The following CPAMD8 variants were observed in gnomAD, a reference collection of about 807,000 sequenced individuals.
The protein encoded by CPAMD8 is C3 and PZP like alpha-2-macroglobulin domain containing 8, also known as C3 and PZP-like alpha-2-macroglobulin domain-containing protein 8.
CPAMD8 carries 146 observed loss-of-function variants against 224.7 expected under a neutral mutation model. The ratio of observed to expected loss-of-function variants is 0.65; its 90% CI spans 0.57 to 0.75. CPAMD8 has a LOEUF of 0.75. CPAMD8 is among the 30% of genes least tolerant of loss of function. CPAMD8 has a pLI of 0.00. For synonymous variants in CPAMD8, 966 were observed against 1,044.6 expected (o/e 0.92, Z 1.45); for missense variants, 2,301 against 2,537.5 (o/e 0.91, Z 2.00).
chr19:16,909,888 G>A (rs2052659909), intron 29 of CPAMD8, among the ~76,000 whole-genome samples: 1 of 152,110 alleles, frequency 6.6e-6, no homozygotes, highest in Admixed American at 6.5e-5. Flanking sequence ...ATCTCATACT[G>A]TCACCCAGGC....
chr19:16,907,307 C>CTTTTTT (rs71334641), intron 29 of CPAMD8, among the ~76,000 whole-genome samples, 190 bp from the exon 30 acceptor site: 11 of 81,060 alleles, frequency 1.4e-4, no homozygotes, highest in Non-Finnish European at 1.8e-4. Context: ...TCTTTCTTGC[C>CTTTTTT]TTTTTTTTTT....
intron 22 of CPAMD8, among the ~76,000 whole-genome samples, chr19:16,945,082 G>A (rs114780114): frequency 1.3e-3 from 198 of 152,260 alleles, no homozygotes; most frequent in African/African-American, 4.5e-3. Flanking sequence ...GATGCTTCCC[G>A]AGATCATGGG....
chr19:16,900,727 A>G (rs920812541), intron 36 of CPAMD8, among the ~76,000 whole-genome samples: 5 of 151,508 alleles, frequency 3.3e-5, no homozygotes, highest in Non-Finnish European at 5.9e-5. Flanking sequence ...GGAGGAAAAA[A>G]GGGGCTGGGC....
chr19:16,920,222 GT>G, intron 27 of CPAMD8, among the ~76,000 whole-genome samples: 1 of 152,348 alleles, frequency 6.6e-6, no homozygotes, highest in East Asian at 1.9e-4. Context: ...GCTCACGCCT[GT>G]AATCCCAGCA....
chr19:16,999,243 T>C (rs926307219), intron 10 of CPAMD8, among the ~76,000 whole-genome samples: 4 of 152,068 alleles, frequency 2.6e-5, no homozygotes, highest in African/African-American at 4.8e-5. Context: ...AATTCTAAAA[T>C]TGGATAACAG....
chr19:17,011,603 G>C lies in CPAMD8; in HGVS notation c.422C>G (p.Pro141Arg). The C allele has an allele frequency of 1.2e-5, 19 of 1,614,182 alleles. No homozygotes were observed. The highest frequency in any genetic ancestry group is 1.6e-5 in the Non-Finnish European group (19 of 1,180,036). Residue 141 changes from proline (P) to arginine (R), a missense_variant, in exon 4 of 42, where the codon CCC becomes CGC. Pro to Arg is a moderately radical substitution (Grantham distance 103). Transcript: ENST00000443236. Reference sequence around the variant, plus strand: ...TGCTGGCCACTCACCTCGGTGCTGGGGTCTGTACACAGGCTTGTCCGTCTG... The same window carrying C: ...TGCTGGCCACTCACCTCGGTGCTGGCGTCTGTACACAGGCTTGTCCGTCTG... ...FIQTDKPVYRPQHRVLISIFT... is the reference protein window; with the variant it reads ...FIQTDKPVYRRQHRVLISIFT...
At chr19:17,017,668 T>C (rs1485018742) in intron 3 of CPAMD8, among the ~76,000 whole-genome samples, 2 of 152,142 alleles carry the variant, frequency 1.3e-5, no homozygotes, top group East Asian at 3.9e-4. Context: ...CTTTACGAAA[T>C]GTGCCCTGTA....
chr19:16,903,417 A>T, intron 34 of CPAMD8, 144 bp downstream of exon 34: 1 of 1,221,638 alleles, frequency 8.2e-7, no homozygotes, highest in Non-Finnish European at 1.1e-6. Flanking sequence ...GGGCAGTATT[A>T]GAAGGCTGAA....
chr19:16,906,382 CTTTCT>C (rs2052500498), intron 30 of CPAMD8, among the ~76,000 whole-genome samples: 17 of 70,572 alleles, frequency 2.4e-4, no homozygotes, highest in Admixed American at 3.8e-4. Context: ...TTCTTTCTTT[CTTTCT>C]TTCTTTCTTT....
intron 21 of CPAMD8, among the ~76,000 whole-genome samples, chr19:16,946,517 G>T (rs201429242): frequency 1.3e-4 from 6 of 45,082 alleles, no homozygotes; most frequent in Non-Finnish European, 2.6e-4. Context: ...GTGTGGATTT[G>T]TGTGTGTGTG....
chr19:16,904,583 A>G, intron 30 of CPAMD8, 31 bp from the exon 31 acceptor site: 1 of 1,470,764 alleles, frequency 6.8e-7, no homozygotes, highest in Non-Finnish European at 9.5e-7. Flanking sequence ...AAGAGCTATA[A>G]CCCACCCAGT....
chr19:16,970,253 AAAAG>A (rs1568543023), intron 18 of CPAMD8, among the ~76,000 whole-genome samples: 1 of 150,214 alleles, frequency 6.7e-6, no homozygotes, highest in Admixed American at 6.7e-5. Context: ...AAAAAAAAAA[AAAAG>A]AAAGAAAGAG....
chr19:17,015,425 T>G (rs550498047), intron 3 of CPAMD8, among the ~76,000 whole-genome samples: 2 of 152,090 alleles, frequency 1.3e-5, no homozygotes, highest in Non-Finnish European at 2.9e-5. Context: ...TGCACTGTCA[T>G]GACCATTGTG....
Position 16,952,162 on chromosome 19 carries a change from G to A in CPAMD8, c.2315C>T (p.Pro772Leu), listed in dbSNP as rs1373880209. The change falls in exon 20 of 42, where the codon CCG becomes CTG. Residue 772 changes from proline (P) to leucine (L), a missense_variant. Physicochemically the swap from Pro to Leu is moderately conservative, Grantham distance 98 (BLOSUM62 -3). Around this residue, in one of 4 missense-constraint regions of CPAMD8, gnomAD observed 1,709 missense variants for 1,753.2 expected, o/e 0.97. Coordinates refer to ENST00000443236, the MANE Select transcript of CPAMD8 (RefSeq NM_015692.5). The part of the protein sequence containing the change: ...SGEGTLSVKV[P>L]DSITSWVGEA... ...ACCCACCCAGCTGGTGATGGAGTCC[G>A]GGACCTTCACACTGAGTGTCCCCTC... The A allele has an allele frequency of 1.7e-5, 27 of 1,549,868 alleles. No homozygotes were observed. The highest frequency in any genetic ancestry group is 3.5e-4 in the Middle Eastern group (2 of 5,772).
At chr19:16,943,383 C>CTTTATTTA (rs201590774) in intron 22 of CPAMD8, among the ~76,000 whole-genome samples, 1 of 151,542 alleles carries the variant, frequency 6.6e-6, no homozygotes, top group South Asian at 2.1e-4. Flanking sequence ...TGGATCAGTG[C>CTTTATTTA]TTTATTTATT....
At chr19:16,939,203 GTATC>G (rs1405974094) in intron 22 of CPAMD8, among the ~76,000 whole-genome samples, 1 of 104,328 alleles carries the variant, frequency 9.6e-6, no homozygotes, top group Non-Finnish European at 2.2e-5. Context: ...ATCTATCTAT[GTATC>G]TATCTATCTA....
chr19:16,925,758 A>T (rs909421700), intron 25 of CPAMD8, among the ~76,000 whole-genome samples: 26 of 145,472 alleles, frequency 1.8e-4, no homozygotes, highest in East Asian at 6.1e-4. Context: ...TTTCTAAAAT[A>T]TTTTTTTTTT....
chr19:16,904,108 G>T (rs1189851726), intron 32 of CPAMD8, 118 bp downstream of exon 32: 1 of 1,178,596 alleles, frequency 8.5e-7, no homozygotes, highest in Non-Finnish European at 1.2e-6. Context: ...GCCCTCTTTG[G>T]GGCTCCATAA....
intron 18 of CPAMD8, among the ~76,000 whole-genome samples, chr19:16,962,319 A>G (rs903233719): frequency 6.6e-6 from 1 of 152,250 alleles, no homozygotes; most frequent in African/African-American, 2.4e-5. Context: ...ATGGCTAACT[A>G]GAATAAACAG....
Sources: gnomAD v4.1 joint callset for allele counts (sites outside exome capture counted in the v4.1 genomes callset) on GRCh38, gnomAD v4.1.1 for gene constraint, gnomAD v4.1.1 regional missense constraint, MANE v1.5 for transcripts, NCBI Gene and HGNC (gene_info 2026-07-23, HGNC 2026-07-21) for gene names.